PLEKHO2: variants seen among roughly 807,000 people sequenced by gnomAD.
PLEKHO2 encodes pleckstrin homology domain containing O2.
In PLEKHO2, 20 loss-of-function variants were observed where a neutral mutation model predicts 32.7. The ratio of observed to expected loss-of-function variants is 0.61; its 90% CI spans 0.43 to 0.89. PLEKHO2 has a LOEUF of 0.89. PLEKHO2 is among the 40% of genes least tolerant of loss of function. The pLI is 0.00. For synonymous variants in PLEKHO2, 247 were observed against 246.3 expected, an observed-to-expected ratio of 1.00 and a Z score of -0.03; for missense variants, 568 against 621.2, an observed-to-expected ratio of 0.91 and a Z score of 0.91.
intron 3 of PLEKHO2, 89 bp downstream of exon 3, chr15:64,855,126 T>G: frequency 1.0e-6 from 1 of 999,612 alleles, no homozygotes; most frequent in Non-Finnish European, 1.5e-6. Context: ...CCTGGCCCCT[T>G]GAAAAAGCCT....
intron 1 of PLEKHO2, 141 bp downstream of exon 1, chr15:64,842,169 G>C (rs1292117554): frequency 7.8e-6 from 6 of 768,918 alleles, no homozygotes; most frequent in Non-Finnish European, 8.8e-6. Context: ...AAATGGGGCA[G>C]GGGCGAGGGG....
At chr15:64,842,112 C>T (rs1274603010) in intron 1 of PLEKHO2, 84 bp downstream of exon 1, 2 of 1,144,836 alleles carry the variant, frequency 1.7e-6, no homozygotes, top group Non-Finnish European at 2.2e-6. Flanking sequence ...GGCCCTCGTT[C>T]CTGCCCGCCC....
intron 4 of PLEKHO2, among the ~76,000 whole-genome samples, chr15:64,860,564 C>T (rs991410659): frequency 1.3e-5 from 2 of 152,230 alleles, no homozygotes; most frequent in African/African-American, 2.4e-5. Flanking sequence ...TTTGACATCA[C>T]GGATCTTTGG....
At chr15:64,853,519 C>T (rs540435646) in intron 2 of PLEKHO2, among the ~76,000 whole-genome samples, 2 of 152,084 alleles carry the variant, frequency 1.3e-5, no homozygotes, top group Admixed American at 1.3e-4. Flanking sequence ...TGGTCTCGAT[C>T]TCCTGAACTC....
rs1436493098 is a variant in PLEKHO2 at position 64,865,495 on chromosome 15, C to T, written c.1080C>T (p.Gly360=). The change falls in exon 6 of 6, where the codon GGC becomes GGT. Residue 360 remains glycine, a synonymous_variant. Transcript: ENST00000323544. ...CTGCCAAGCCCTCTCAGGCTGAGGG[C>T]ACCCCAGGAACTCCTCCAAAGGATG... ...PEPAKPSQAE[G]TPGTPPKDAT... 4 of 1,613,874 alleles carry T rather than the reference C, an allele frequency of 2.5e-6. No homozygotes were observed. Among genetic ancestry groups the T allele is most frequent in the East Asian group, 4.5e-5 (2 of 44,880 alleles).
At chr15:64,859,791 C>T in intron 3 of PLEKHO2, 103 bp from the exon 4 acceptor site, 1 of 895,306 alleles carries the variant, frequency 1.1e-6, no homozygotes, top group Middle Eastern at 2.2e-4. Flanking sequence ...ACTGTGGGGT[C>T]ATTTTGGTTT....
chr15:64,849,102 C>T lies in PLEKHO2; in HGVS notation c.162+360C>T, dbSNP rs1384991185. Among the ~76,000 whole-genome samples, 4 of 151,108 alleles carry T rather than the reference C, an allele frequency of 2.6e-5. No homozygotes were observed. The East Asian group carries it at 7.9e-4, about 30-fold the overall frequency. ...CAAAGCAATTCCTCTGTCTTAGCCT[C>T]CTGAGTAGCTGGGACTATAGGCATG... On this transcript the variant is annotated intron_variant, in intron 2 of 5. Transcript: ENST00000323544.
At chr15:64,846,886 C>T (rs1595827357) in intron 1 of PLEKHO2, among the ~76,000 whole-genome samples, 1 of 152,208 alleles carries the variant, frequency 6.6e-6, no homozygotes, top group Non-Finnish European at 1.5e-5. Flanking sequence ...GCTCTATATG[C>T]TTTGTCTTTA....
intron 1 of PLEKHO2, among the ~76,000 whole-genome samples, chr15:64,846,544 C>T (rs1379411666): frequency 6.6e-6 from 1 of 152,164 alleles, no homozygotes; most frequent in Non-Finnish European, 1.5e-5. Context: ...AAACTCCTGA[C>T]CTCAAATGAT....
intron 1 of PLEKHO2, among the ~76,000 whole-genome samples, chr15:64,846,198 G>A (rs953225079): frequency 7.9e-5 from 12 of 152,166 alleles, no homozygotes; most frequent in African/African-American, 2.9e-4. Flanking sequence ...TTGAGTGCAT[G>A]ATGGAATGGG....
chr15:64,842,390 CTG>C (rs1184410989), intron 1 of PLEKHO2, among the ~76,000 whole-genome samples: 27,665 of 144,698 alleles, frequency 0.19, 3,110 homozygotes, highest in Middle Eastern at 0.3. Flanking sequence ...CTCTCTCTCT[CTG>C]TGTGTGTGTG....
Position 64,860,009 on chromosome 15 carries a change from G to A in PLEKHO2, c.384+11G>A. On this transcript the variant is annotated intron_variant, in intron 4 of 5. Coordinates refer to ENST00000323544, the MANE Select transcript of PLEKHO2 (RefSeq NM_025201.5). ...AAGGCTTTCGATGAGGTGCGATGCA[G>A]TCTGTGGACATGGACAGCTCTGTGT... 1 of 1,610,804 alleles carries A rather than the reference G, an allele frequency of 6.2e-7. No homozygotes were observed. The highest frequency in any genetic ancestry group is 8.5e-7 in the Non-Finnish European group (1 of 1,176,980).
chr15:64,842,112 C>A, intron 1 of PLEKHO2, 84 bp downstream of exon 1: 1 of 1,144,948 alleles, frequency 8.7e-7, no homozygotes, highest in South Asian at 4.4e-5. Context: ...GGCCCTCGTT[C>A]CTGCCCGCCC....
intron 1 of PLEKHO2, among the ~76,000 whole-genome samples, chr15:64,843,158 C>T (rs1185697064): frequency 1.3e-5 from 2 of 152,212 alleles, no homozygotes; most frequent in Admixed American, 6.5e-5. Flanking sequence ...GCTAGTGGTC[C>T]GTCAGGGCTC....
At chr15:64,853,966 G>T (rs2084589022) in intron 2 of PLEKHO2, among the ~76,000 whole-genome samples, 1 of 152,100 alleles carries the variant, frequency 6.6e-6, no homozygotes, top group Non-Finnish European at 1.5e-5. Flanking sequence ...TAACTTTTTG[G>T]CCCGTCCCAG....
intron 3 of PLEKHO2, among the ~76,000 whole-genome samples, chr15:64,857,990 C>A (rs1211805298): frequency 6.6e-6 from 1 of 152,200 alleles, no homozygotes; most frequent in Non-Finnish European, 1.5e-5. Context: ...AGGGGTCACA[C>A]CAGCTCTGAG....
intron 1 of PLEKHO2, among the ~76,000 whole-genome samples, chr15:64,843,890 C>A (rs1033498896): frequency 2.6e-5 from 4 of 152,124 alleles, no homozygotes; most frequent in African/African-American, 9.7e-5. Context: ...TATATTGCCA[C>A]TTTCTGACTC....
chr15:64,843,054 G>C (rs557223823), intron 1 of PLEKHO2, among the ~76,000 whole-genome samples: 1 of 152,256 alleles, frequency 6.6e-6, no homozygotes, highest in East Asian at 1.9e-4. Context: ...TGCCTTGGGG[G>C]AACCCTGGCC....
At chr15:64,860,955 T>C (rs2084636867) in intron 4 of PLEKHO2, among the ~76,000 whole-genome samples, 1 of 152,220 alleles carries the variant, frequency 6.6e-6, no homozygotes, top group Non-Finnish European at 1.5e-5. Context: ...GGACCTCCCA[T>C]GTGACTCTTA....
Sources: gnomAD v4.1 joint callset for allele counts (sites outside exome capture counted in the v4.1 genomes callset) on GRCh38, gnomAD v4.1.1 for gene constraint, MANE v1.5 for transcripts, NCBI Gene and HGNC (gene_info 2026-07-23, HGNC 2026-07-21) for gene names.